Variants in MASTL observed in about 807,000 individuals in gnomAD.
MASTL encodes the protein serine/threonine-protein kinase greatwall.
A neutral mutation model predicts 82.5 loss-of-function variants in MASTL; 54 were observed. The observed-to-expected ratio is 0.65, with a 90% CI of 0.53 to 0.82. The LOEUF is 0.82. Among genes scored for constraint, MASTL ranks in the 40% least tolerant of loss-of-function variants. MASTL has a pLI of 0.00. For missense variants in MASTL, 950 were observed against 1,047.8 expected (o/e 0.91, Z 1.29); for synonymous variants, 323 against 368.9 (o/e 0.88, Z 1.43).
At chr10:27,178,670 T>C (rs1034703049) in intron 9 of MASTL, among the ~76,000 whole-genome samples, 15 of 150,008 alleles carry the variant, frequency 1.0e-4, no homozygotes, top group South Asian at 6.4e-4. Context: ...AGAGAAATCA[T>C]GTATTTTTTT....
chr10:27,171,933 A>T (rs2057960077), intron 8 of MASTL, among the ~76,000 whole-genome samples: 1 of 141,414 alleles, frequency 7.1e-6, no homozygotes, highest in Non-Finnish European at 1.5e-5. Flanking sequence ...GGTTCAAGCG[A>T]TTCTCCTGCT....
rs1223409139 is a variant in MASTL at position 27,165,148 on chromosome 10, C to T, written c.638C>T (p.Ser213Leu). 4 of 1,612,746 alleles carry T rather than the reference C, an allele frequency of 2.5e-6. No homozygotes were observed. The highest frequency in any genetic ancestry group is 1.7e-6 in the Non-Finnish European group (2 of 1,178,850). ...DYSRTPGQVL[S>L]LISSLGFNTP... ...TCAAGAACCCCAGGACAAGTGTTAT[C>T]GCTTATCAGCTCGTTGGGATTTGTA... Residue 213 changes from serine to leucine, a missense_variant, in exon 5 of 12, where the codon TCG (serine) becomes TTG (leucine). Transcript: ENST00000375940.
chr10:27,185,695 C>T (rs549477659), intron 11 of MASTL, among the ~76,000 whole-genome samples: 7 of 144,678 alleles, frequency 4.8e-5, no homozygotes, highest in East Asian at 4.1e-4. Flanking sequence ...GGCTGAGGCA[C>T]GAGAACCACT....
chr10:27,170,491 A>G lies in MASTL; in HGVS notation c.1532A>G (p.Asn511Ser). 6.2e-7 allele frequency: 1 copy of G among 1,614,088 alleles called. No individual in the cohort carries two copies. Residue 511 changes from asparagine to serine, a missense_variant, in exon 8 of 12, where the codon AAT becomes AGT. Physicochemically the swap from Asn to Ser is conservative, Grantham distance 46. Transcript: ENST00000375940. ...NDCANKENIV[N>S]SFTDKQQTPE... ...TGTGCTAATAAGGAGAACATTGTCAATTCTTTTACTGATAAACAACAAACA... is the reference window on the plus strand; with the variant it reads ...TGTGCTAATAAGGAGAACATTGTCAGTTCTTTTACTGATAAACAACAAACA...
intron 6 of MASTL, among the ~76,000 whole-genome samples, chr10:27,166,409 A>G (rs1160571338): frequency 1.3e-5 from 2 of 152,218 alleles, no homozygotes; most frequent in African/African-American, 4.8e-5. Context: ...ACGTCTGGAT[A>G]TACCACATCA....
intron 4 of MASTL, among the ~76,000 whole-genome samples, chr10:27,164,084 G>T (rs2057663864): frequency 6.6e-6 from 1 of 152,144 alleles, no homozygotes; most frequent in Non-Finnish European, 1.5e-5. Context: ...GGGACTAGAG[G>T]CATGAGCCAC....
chr10:27,169,270 A>G (rs1003298065), intron 7 of MASTL, among the ~76,000 whole-genome samples: 2 of 152,154 alleles, frequency 1.3e-5, no homozygotes, highest in African/African-American at 4.8e-5. Flanking sequence ...AGTTCAAAAC[A>G]GAATCATCCA....
chr10:27,183,230 G>A (rs2058428714), intron 11 of MASTL, among the ~76,000 whole-genome samples: 1 of 151,808 alleles, frequency 6.6e-6, no homozygotes, highest in African/African-American at 2.4e-5. Flanking sequence ...CCCTAATTTG[G>A]AAACTAGTAA....
rs1307106316 is a variant in MASTL, at chr10:27,167,159, T to A, written c.869T>A (p.Leu290Ter). The A allele has an allele frequency of 6.2e-7, 1 of 1,614,002 alleles. No homozygotes were observed. Among genetic ancestry groups the A allele is most frequent in the Non-Finnish European group, 8.5e-7 (1 of 1,179,976 alleles). Residue 290 changes from leucine (L) to a stop codon, truncating the protein, a stop_gained, in exon 7 of 12, where the codon TTA becomes TAA. Transcript: ENST00000375940. LOFTEE classifies it high-confidence loss of function. The stretch of plus-strand genomic sequence containing the variant: ...CCTGTGAAGTGTCTAACTTCTAATT[T>A]ACTCCAGTCTAGGAAAAGGCTGGCC... Reference protein sequence around the residue: ...GMPVKCLTSNLLQSRKRLATS... With the variant: ...GMPVKCLTSN
At chr10:27,185,360 C>T (rs1045039522) in intron 11 of MASTL, among the ~76,000 whole-genome samples, 10 of 151,844 alleles carry the variant, frequency 6.6e-5, no homozygotes, top group East Asian at 3.9e-4. Context: ...AGGGTGGGCG[C>T]GGTGGCTCAC....
At chr10:27,185,976 C>T (rs1259470537) in intron 11 of MASTL, among the ~76,000 whole-genome samples, 5 of 152,052 alleles carry the variant, frequency 3.3e-5, no homozygotes, top group African/African-American at 1.2e-4. Flanking sequence ...GTAATCCCAG[C>T]TACTCGGGAG....
At chr10:27,180,377 TTTCTTTTC>T (rs2058234168) in intron 9 of MASTL, among the ~76,000 whole-genome samples, 1 of 462 alleles carries the variant, frequency 2.2e-3, no homozygotes, top group Non-Finnish European at 5.8e-3. Flanking sequence ...AACTCGCATT[TTTCTTTTC>T]TTTTCTTTTC....
chr10:27,185,906 A>G (rs576483949), intron 11 of MASTL, among the ~76,000 whole-genome samples: 1 of 151,992 alleles, frequency 6.6e-6, no homozygotes, highest in South Asian at 2.1e-4. Flanking sequence ...CCTGCCCAAC[A>G]TGGCGAAACC....
At position 27,170,659 on chromosome 10, in the gene MASTL, T is replaced by A. The variant is rs1313176039; in HGVS notation, c.1700T>A (p.Met567Lys). ...GATAGAGCTTCTAAAAATATTTCTA[T>A]GAACTCTGATTCATCTTTTCCTGGA... ...DDDRASKNISMNSDSSFPGIS... is the reference protein window; with the variant it reads ...DDDRASKNISKNSDSSFPGIS... Residue 567 changes from methionine to lysine, a missense_variant, in exon 8 of 12, where the codon ATG (methionine) becomes AAG (lysine). By Grantham distance (95) the Met-to-Lys change is moderately conservative. Transcript: ENST00000375940. 6.2e-7 allele frequency: 1 copy of A among 1,609,738 alleles called. No homozygotes were observed. The highest frequency in any genetic ancestry group is 1.3e-5 in the African/African-American group (1 of 74,526).
At chr10:27,175,009 C>T (rs2058059712) in intron 9 of MASTL, among the ~76,000 whole-genome samples, 1 of 151,600 alleles carries the variant, frequency 6.6e-6, no homozygotes, top group Non-Finnish European at 1.5e-5. Flanking sequence ...CCTCTCACAC[C>T]CTTTCTTCTG....
rs2057713088 is a variant in MASTL, at chr10:27,165,507, C to G, written c.779C>G (p.Thr260Ser). The G allele has an allele frequency of 1.2e-6, 2 of 1,614,138 alleles. No individual in the cohort carries two copies. The highest frequency in any genetic ancestry group is 4.5e-5 in the East Asian group (2 of 44,874). The change falls in exon 6 of 12, where the codon ACT (threonine) becomes AGT (serine). Residue 260 changes from threonine (T) to serine (S), a missense_variant. Coordinates refer to ENST00000375940, the MANE Select transcript of MASTL (RefSeq NM_001172303.3). ...CCTATGTCTGTAGATCAAAAGGACA[C>G]TACGCCTTATTCTAGCAAATTACTA... Reference protein sequence around the residue: ...VCPMSVDQKDTTPYSSKLLKS... With the variant: ...VCPMSVDQKDSTPYSSKLLKS...
rs773388845 is a variant in MASTL, at chr10:27,186,367, A to G, written c.2483-12A>G. The G allele has an allele frequency of 1.9e-6, 3 of 1,613,288 alleles. No individual in the cohort carries two copies. Among genetic ancestry groups the G allele is most frequent in the Non-Finnish European group, 1.7e-6 (2 of 1,179,222 alleles). ...ATGATATCATACTGTTTTGTTTTATATTTTTCCTAAGAGCTAAAACGTCAT... is the reference window on the plus strand; with the variant it reads ...ATGATATCATACTGTTTTGTTTTATGTTTTTCCTAAGAGCTAAAACGTCAT... On this transcript the variant is annotated splice_polypyrimidine_tract_variant and intron_variant, in intron 11 of 11. Coordinates refer to ENST00000375940, the MANE Select transcript of MASTL (RefSeq NM_001172303.3).
At chr10:27,186,224 T>C (rs527900552) in intron 11 of MASTL, among the ~76,000 whole-genome samples, 155 bp from the exon 12 acceptor site, 1 of 152,364 alleles carries the variant, frequency 6.6e-6, no homozygotes, top group South Asian at 2.1e-4. Context: ...TTGTGAAGTA[T>C]GTGGCCTAAC....
intron 3 of MASTL, among the ~76,000 whole-genome samples, chr10:27,160,360 G>T (rs1241740790): frequency 7.2e-5 from 11 of 151,766 alleles, no homozygotes; most frequent in African/African-American, 2.2e-4. Context: ...TACAAAAGTG[G>T]TATATTTTGT....
Sources: allele counts gnomAD v4.1 joint callset (sites outside exome capture counted in the v4.1 genomes callset), GRCh38; gene constraint gnomAD v4.1.1; transcripts MANE v1.5; gene names NCBI Gene and HGNC (gene_info 2026-07-23, HGNC 2026-07-21).